The following DPYD variants were observed in gnomAD, a reference collection of about 807,000 sequenced individuals.
DPYD encodes dihydropyrimidine dehydrogenase [NADP(+)].
Under a neutral mutation model 116.2 loss-of-function variants are expected in DPYD, and 109 were observed. The ratio of observed to expected loss-of-function variants is 0.94; its 90% CI spans 0.80 to 1.10. DPYD has a LOEUF of 1.10. Ranked by LOEUF, DPYD falls within the 50% of genes least tolerant of loss-of-function variation. The probability of loss-of-function intolerance (pLI) is 0.00; values close to 1 mark genes in which losing one functional copy is unlikely to be tolerated. For missense variants in DPYD, 1,302 were observed against 1,254.5 expected (o/e 1.04, Z -0.57); for synonymous variants, 440 against 432.0 (o/e 1.02, Z -0.23).
chr1:97,133,256 T>C (rs1320015928), intron 20 of DPYD, among the ~76,000 whole-genome samples: 1 of 152,100 alleles, frequency 6.6e-6, no homozygotes, highest in Non-Finnish European at 1.5e-5. Flanking sequence ...TACATAAATT[T>C]TACAATTTAT....
At chr1:97,424,423 C>A (rs1370050113) in intron 14 of DPYD, among the ~76,000 whole-genome samples, 1 of 151,880 alleles carries the variant, frequency 6.6e-6, no homozygotes, top group Non-Finnish European at 1.5e-5. Context: ...AACATAGACA[C>A]ACTGTTCAGG....
chr1:97,916,975 T>C (rs775652862), intron 1 of DPYD, among the ~76,000 whole-genome samples: 16 of 152,134 alleles, frequency 1.1e-4, no homozygotes, highest in South Asian at 2.1e-4. Flanking sequence ...ATTTCTACTA[T>C]CCAGCTAAAC....
At chr1:97,287,417 A>G (rs545846242) in intron 18 of DPYD, among the ~76,000 whole-genome samples, 2 of 152,226 alleles carry the variant, frequency 1.3e-5, no homozygotes, top group East Asian at 3.9e-4. Context: ...CCCTTCTCAG[A>G]TCTCCAGCTG....
chr1:97,674,466 G>C (rs1655583736), intron 8 of DPYD, among the ~76,000 whole-genome samples: 1 of 152,104 alleles, frequency 6.6e-6, no homozygotes, highest in Non-Finnish European at 1.5e-5. Context: ...TCTTTCCCTT[G>C]CATGCTTGTT....
intron 16 of DPYD, among the ~76,000 whole-genome samples, chr1:97,349,509 A>G (rs1283857973): frequency 6.6e-6 from 1 of 151,810 alleles, no homozygotes; most frequent in African/African-American, 2.4e-5. Context: ...CCCCCACCCC[A>G]CAACAGGCCC....
At chr1:97,627,808 C>T (rs1197678834) in intron 8 of DPYD, among the ~76,000 whole-genome samples, 1 of 151,364 alleles carries the variant, frequency 6.6e-6, no homozygotes, top group Non-Finnish European at 1.5e-5. Flanking sequence ...TATAACATTA[C>T]TAATAGTATT....
At chr1:97,212,226 C>A (rs1284548910) in intron 19 of DPYD, among the ~76,000 whole-genome samples, 2 of 152,048 alleles carry the variant, frequency 1.3e-5, no homozygotes, top group African/African-American at 4.8e-5. Flanking sequence ...CACTGTTCAC[C>A]ACCTCCCCAA....
At chr1:97,134,863 A>G (rs930957565) in intron 20 of DPYD, among the ~76,000 whole-genome samples, 7 of 152,192 alleles carry the variant, frequency 4.6e-5, no homozygotes, top group Admixed American at 2.0e-4. Flanking sequence ...AGTGAAACCA[A>G]GGTATGGATT....
intron 3 of DPYD, among the ~76,000 whole-genome samples, chr1:97,824,108 T>A (rs1348955944): frequency 2.6e-5 from 4 of 152,266 alleles, no homozygotes; most frequent in African/African-American, 9.6e-5. Context: ...TACAATCACA[T>A]TAAAAGATGT....
chr1:97,663,270 A>T (rs758946291), intron 8 of DPYD, among the ~76,000 whole-genome samples: 1 of 152,220 alleles, frequency 6.6e-6, no homozygotes, highest in African/African-American at 2.4e-5. Context: ...GAAGTCAGGA[A>T]AGATCTCATA....
At chr1:97,390,615 T>C (rs2101599666) in intron 14 of DPYD, among the ~76,000 whole-genome samples, 1 of 152,140 alleles carries the variant, frequency 6.6e-6, no homozygotes, top group South Asian at 2.1e-4. Context: ...ACTAGTATGC[T>C]TACAAGTTGT....
At chr1:97,848,699 G>A (rs1313368356) in intron 2 of DPYD, among the ~76,000 whole-genome samples, 1 of 152,174 alleles carries the variant, frequency 6.6e-6, no homozygotes, top group African/African-American at 2.4e-5. Context: ...GTATAATTAA[G>A]TATAAGCAGA....
At chr1:97,173,302 A>G (rs5027692) in intron 20 of DPYD, among the ~76,000 whole-genome samples, 6 of 89,486 alleles carry the variant, frequency 6.7e-5, no homozygotes, top group Admixed American at 2.0e-4. Flanking sequence ...ACACATATGT[A>G]CATATATATG....
At chr1:97,320,307 A>G (rs1315835003) in intron 16 of DPYD, among the ~76,000 whole-genome samples, 1 of 134,306 alleles carries the variant, frequency 7.4e-6, no homozygotes, top group East Asian at 2.2e-4. Flanking sequence ...CTGTTTGCAG[A>G]CGACATGATT....
intron 19 of DPYD, among the ~76,000 whole-genome samples, chr1:97,210,042 G>A (rs749149951): frequency 1.3e-5 from 2 of 151,996 alleles, no homozygotes; most frequent in Non-Finnish European, 2.9e-5. Context: ...GAAGAGAAAT[G>A]TTTAACTTGG....
intron 20 of DPYD, among the ~76,000 whole-genome samples, chr1:97,124,868 G>A (rs1476824206): frequency 6.6e-6 from 1 of 152,036 alleles, no homozygotes; most frequent in Non-Finnish European, 1.5e-5. Flanking sequence ...CTAACCAAGA[G>A]GTTCATAAAT....
chr1:97,471,531 T>C (rs925304668), intron 13 of DPYD, among the ~76,000 whole-genome samples: 3 of 150,954 alleles, frequency 2.0e-5, no homozygotes, highest in South Asian at 2.1e-4. Flanking sequence ...TATTTCAATA[T>C]AGTCAAGACA....
chr1:97,411,043 A>C (rs1488902517), intron 14 of DPYD, among the ~76,000 whole-genome samples: 3 of 152,170 alleles, frequency 2.0e-5, no homozygotes, highest in African/African-American at 7.2e-5. Flanking sequence ...CGGTGGGGTC[A>C]AAACTAGGAA....
chr1:97,580,028 T>C (rs768516275), intron 10 of DPYD, among the ~76,000 whole-genome samples: 2 of 152,234 alleles, frequency 1.3e-5, no homozygotes, highest in South Asian at 2.1e-4. Context: ...TTTGGTCTGA[T>C]TAATATTACA....
Sources: gnomAD v4.1 joint callset for allele counts (sites outside exome capture counted in the v4.1 genomes callset) on GRCh38, gnomAD v4.1.1 for gene constraint, MANE v1.5 for transcripts, NCBI Gene and HGNC (gene_info 2026-07-23, HGNC 2026-07-21) for gene names.